CCNJ: variants seen among roughly 807,000 people sequenced by gnomAD.
CCNJ encodes cyclin-J.
In CCNJ, 12 loss-of-function variants were observed where a neutral mutation model predicts 41.4. The ratio of observed to expected loss-of-function variants is 0.29; its 90% CI spans 0.19 to 0.47. CCNJ has a LOEUF of 0.47. Ranked by LOEUF, CCNJ falls within the 20% of genes least tolerant of loss-of-function variation. CCNJ has a pLI of 1.00. For synonymous variants in CCNJ, 161 were observed against 173.4 expected (o/e 0.93, Z 0.56); for missense variants, 340 against 464.6 (o/e 0.73, Z 2.47).
rs536209799 is a variant in CCNJ, at chr10:96,046,186, T to C, written c.69+1724T>C. 3.3e-4 allele frequency among the ~76,000 whole-genome samples: 50 copies of C among 152,334 alleles called. 1 individual carries two copies. Among genetic ancestry groups the C allele is most frequent in the African/African-American group, 1.2e-3 (48 of 41,578 alleles). On this transcript the variant is annotated intron_variant, in intron 2 of 5. Transcript: ENST00000465148. ...ACCTTATACTCACTCAAGTTGCTTA[T>C]GAACTATCAGAGGACAAGGTAGCAC...
At chr10:96,048,559 A>T (rs1187966835) in intron 2 of CCNJ, among the ~76,000 whole-genome samples, 1 of 152,094 alleles carries the variant, frequency 6.6e-6, no homozygotes, top group African/African-American at 2.4e-5. Context: ...TCATCTTCCC[A>T]AACTGAAACT....
At chr10:96,048,882 G>T (rs1442538776) in intron 2 of CCNJ, among the ~76,000 whole-genome samples, 1 of 152,150 alleles carries the variant, frequency 6.6e-6, no homozygotes, top group African/African-American at 2.4e-5. Context: ...TTTTGAACAT[G>T]TGTGTACAAA....
chr10:96,051,724 G>A (rs956189440), intron 3 of CCNJ, among the ~76,000 whole-genome samples: 6 of 152,130 alleles, frequency 3.9e-5, no homozygotes, highest in African/African-American at 1.4e-4. Context: ...GTAGTCCTAT[G>A]TAGTATCATT....
intron 3 of CCNJ, among the ~76,000 whole-genome samples, chr10:96,051,433 A>C (rs2080521478): frequency 1.3e-5 from 2 of 152,232 alleles, no homozygotes; most frequent in Non-Finnish European, 2.9e-5. Context: ...TATAGTATGT[A>C]GATGTATTGA....
intron 2 of CCNJ, among the ~76,000 whole-genome samples, chr10:96,048,175 A>C (rs1189057639): frequency 1.3e-5 from 2 of 152,122 alleles, no homozygotes; most frequent in Non-Finnish European, 2.9e-5. Context: ...CATTTTATCC[A>C]GTCTATCATT....
At chr10:96,045,673 A>G (rs540354465) in intron 2 of CCNJ, among the ~76,000 whole-genome samples, 9 of 146,880 alleles carry the variant, frequency 6.1e-5, no homozygotes, top group African/African-American at 2.3e-4. Flanking sequence ...GTCCAGATAC[A>G]CTTTTGATCT....
Position 96,044,477 on chromosome 10 carries a change from C to A in CCNJ, c.69+15C>A. On this transcript the variant is annotated intron_variant, in intron 2 of 5. Coordinates refer to ENST00000465148, the MANE Select transcript of CCNJ (RefSeq NM_001134375.2). ...TTCGCTACAAGGTAACTCCGAGGCC[C>A]GGCCTGCCTTCTCCTTCTGTGTGTC... 1 of 1,509,864 alleles carries A rather than the reference C, an allele frequency of 6.6e-7. No individual in the cohort carries two copies. The allele number at this position is 1,509,864 out of a possible 1,614,324, so 93.5% of individuals were successfully genotyped here.
At position 96,058,234 on chromosome 10, in the gene CCNJ, A is replaced by T. The variant is rs1273038681; in HGVS notation, c.1145A>T (p.Glu382Val). ...EHYPCITPCF[E>V]R is the part of the protein sequence containing the mutation. ...TACCCTTGTATTACTCCATGTTTTG[A>T]AAGGTGATTATTTGTGAAGCTGATA... The change falls in exon 6 of 6, where the codon GAA becomes GTA. Residue 382 changes from glutamate to valine, a missense_variant. Around this residue, in one of 3 missense-constraint regions of CCNJ, gnomAD observed 159 missense variants for 168.2 expected, o/e 0.95. Transcript: ENST00000465148. The T allele has an allele frequency of 6.2e-7, 1 of 1,610,218 alleles. No homozygotes were observed. The highest frequency in any genetic ancestry group is 1.3e-5 in the African/African-American group (1 of 74,890).
At position 96,060,825 on chromosome 10, in the gene CCNJ, GAGTGCTATGC is replaced by G. The variant is rs2080798299; in HGVS notation, c.*2586_*2595del. Reference sequence around the variant, plus strand: ...AAAGTCTACACCAATGGAATTAGATGAGTGCTATGCACTTAATTTTAAAATAAAACTAGTT... The same window carrying G: ...AAAGTCTACACCAATGGAATTAGATGACTTAATTTTAAAATAAAACTAGTT... On this transcript the variant is annotated 3_prime_UTR_variant, in exon 6 of 6. Coordinates refer to ENST00000465148, the MANE Select transcript of CCNJ (RefSeq NM_001134375.2). 1 of 152,594 alleles carries G rather than the reference GAGTGCTATGC, an allele frequency of 6.6e-6. No individual in the cohort carries two copies. Among genetic ancestry groups the G allele is most frequent in the Non-Finnish European group, 1.5e-5 (1 of 68,024 alleles). 9.5% of individuals were successfully genotyped at this position (152,594 alleles called of 1,614,324 possible). A position where few individuals can be genotyped will look rare whatever the true frequency, so the allele number is the denominator to read the frequency against.
At chr10:96,045,300 G>T (rs1445429789) in intron 2 of CCNJ, among the ~76,000 whole-genome samples, 1 of 152,152 alleles carries the variant, frequency 6.6e-6, no homozygotes, top group South Asian at 2.1e-4. Flanking sequence ...GCTTAACTCA[G>T]TTTCACCTTG....
At chr10:96,052,524 C>T (rs1043101781) in intron 3 of CCNJ, among the ~76,000 whole-genome samples, 4 of 152,102 alleles carry the variant, frequency 2.6e-5, no homozygotes, top group African/African-American at 9.7e-5. Context: ...TCTTTGTGTA[C>T]CATCTTAGGT....
intron 2 of CCNJ, among the ~76,000 whole-genome samples, chr10:96,047,739 C>T (rs1276339148): frequency 6.6e-6 from 1 of 152,176 alleles, no homozygotes; most frequent in Non-Finnish European, 1.5e-5. Flanking sequence ...TATAACTTCC[C>T]TTTTTTGTTT....
chr10:96,044,339 G>C lies in CCNJ; in HGVS notation c.-41-14G>C, dbSNP rs2080300679. On this transcript the variant is annotated splice_polypyrimidine_tract_variant and intron_variant, in intron 1 of 5. Coordinates refer to ENST00000465148, the MANE Select transcript of CCNJ (RefSeq NM_001134375.2). ...GGGAGCCGGCAGTGACCGCGCCTGG[G>C]GTGTGTCTTACAGACTCGAGTTGCC... 1 of 1,398,336 alleles carries C rather than the reference G, an allele frequency of 7.2e-7. No homozygotes were observed. The highest frequency in any genetic ancestry group is 2.7e-5 in the East Asian group (1 of 37,424). 86.6% of individuals were successfully genotyped at this position (1,398,336 alleles called of 1,614,324 possible). A position where few individuals can be genotyped will look rare whatever the true frequency, so the allele number is the denominator to read the frequency against.
intron 3 of CCNJ, among the ~76,000 whole-genome samples, chr10:96,052,197 T>C (rs1386874910): frequency 1.3e-5 from 2 of 152,208 alleles, no homozygotes; most frequent in African/African-American, 4.8e-5. Flanking sequence ...ATGTGTGTAA[T>C]ACTGTATGTG....
chr10:96,051,853 T>C (rs2080533364), intron 3 of CCNJ, among the ~76,000 whole-genome samples: 2 of 152,220 alleles, frequency 1.3e-5, no homozygotes, highest in South Asian at 4.1e-4. Flanking sequence ...TCAGATCCAT[T>C]GTAGAACCAG....
chr10:96,058,875 A>G lies in CCNJ; in HGVS notation c.*634A>G. 1 of 173,596 alleles carries G rather than the reference A, an allele frequency of 5.8e-6. No individual in the cohort carries two copies. Among genetic ancestry groups the G allele is most frequent in the Non-Finnish European group, 1.2e-5 (1 of 82,388 alleles). The allele number at this position is 173,596 out of a possible 1,614,324, so 10.8% of individuals were successfully genotyped here. A position where few individuals can be genotyped will look rare whatever the true frequency, so the allele number is the denominator to read the frequency against. ...TAAAATTAAGGGTGGAGAAGATCTT[A>G]TTTTTTAAATCATGGTCATAATTTT... is the stretch of plus-strand genomic sequence containing the variant. On this transcript the variant is annotated 3_prime_UTR_variant, in exon 6 of 6. Transcript: ENST00000465148.
intron 2 of CCNJ, among the ~76,000 whole-genome samples, chr10:96,048,526 C>T (rs1271924232): frequency 6.6e-6 from 1 of 152,094 alleles, no homozygotes; most frequent in East Asian, 1.9e-4. Context: ...TTGTTGTCAC[C>T]ACTATCTATC....
At chr10:96,043,486 G>A (rs1430828379), upstream of CCNJ, 3 of 389,088 alleles carry the variant, frequency 7.7e-6, no homozygotes, top group African/African-American at 6.2e-5. Context: ...TGGACGGCTC[G>A]GGGCGACCCC....
At chr10:96,043,559 T>G (rs572980589), upstream of CCNJ, 5 of 394,590 alleles carry the variant, frequency 1.3e-5, no homozygotes, top group African/African-American at 4.1e-5. Context: ...TGGCTTTGTA[T>G]GCGGAGCCGC....
Sources: gnomAD v4.1 joint callset for allele counts (sites outside exome capture counted in the v4.1 genomes callset) on GRCh38, gnomAD v4.1.1 for gene constraint, gnomAD v4.1.1 regional missense constraint, MANE v1.5 for transcripts, NCBI Gene and HGNC (gene_info 2026-07-23, HGNC 2026-07-21) for gene names.